The following GALNT13 variants were observed in gnomAD, a reference collection of about 807,000 sequenced individuals.
GALNT13 encodes the protein polypeptide N-acetylgalactosaminyltransferase 13.
In GALNT13, 28 loss-of-function variants were observed where a neutral mutation model predicts 64.2. That is an observed-to-expected ratio of 0.44 (90% CI 0.32 to 0.60). The LOEUF (loss-of-function observed/expected upper bound fraction) is 0.60, where lower values mean the gene tolerates loss of function less well. Ranked by LOEUF, GALNT13 falls within the 20% of genes least tolerant of loss-of-function variation. GALNT13 has a pLI of 0.05. For synonymous variants in GALNT13, 214 were observed against 224.6 expected (o/e 0.95, Z 0.42); for missense variants, 577 against 669.8 (o/e 0.86, Z 1.53).
chr2:153,418,025 T>C, the GALNT13 span, among the ~76,000 whole-genome samples: 1 of 152,126 alleles, frequency 6.6e-6, no homozygotes, highest in African/African-American at 2.4e-5. Context: ...GGCAGCAAAA[T>C]GGCCTTCCAA....
chr2:153,149,520 T>G, the GALNT13 span, among the ~76,000 whole-genome samples: 1 of 151,880 alleles, frequency 6.6e-6, no homozygotes. Context: ...CTTCTCCTTC[T>G]GTTGGGACTG....
In GALNT13 at chr2:154,152,618, C is replaced by T. The variant is rs564444125; in HGVS notation, c.311+12113C>T. ...CACATAGTCCCATATTTCTTGGAGGCTTTGTTCATTTCTTTTTATTCTTTT... is the reference window on the plus strand; with the variant it reads ...CACATAGTCCCATATTTCTTGGAGGTTTTGTTCATTTCTTTTTATTCTTTT... On this transcript the variant is annotated intron_variant, in intron 4 of 12. Transcript: ENST00000392825. 2.6e-5 allele frequency among the ~76,000 whole-genome samples: 4 copies of T among 152,184 alleles called. No homozygotes were observed. The East Asian group carries it at 5.8e-4, about 22-fold the overall frequency.
At chr2:154,305,190 A>G (rs1693662922) in intron 9 of GALNT13, among the ~76,000 whole-genome samples, 1 of 152,184 alleles carries the variant, frequency 6.6e-6, no homozygotes, top group Non-Finnish European at 1.5e-5. Flanking sequence ...AGCAGTGGTC[A>G]TTTTAATTTA....
chr2:154,247,605 A>G lies in GALNT13; in HGVS notation c.857+1623A>G, dbSNP rs555171396. On this transcript the variant is annotated intron_variant, in intron 7 of 12. Transcript: ENST00000392825. ...TTCACAGTAAGAAATTACTGATCTC[A>G]TTCATAAAATAAAGATCTATGTAGA... 6.6e-5 allele frequency among the ~76,000 whole-genome samples: 10 copies of G among 152,194 alleles called. No homozygotes were observed. The South Asian group carries it at 2.1e-3, about 32-fold the overall frequency.
intron 9 of GALNT13, among the ~76,000 whole-genome samples, chr2:154,311,929 T>C (rs1282663838): frequency 6.6e-6 from 1 of 152,236 alleles, no homozygotes; most frequent in Non-Finnish European, 1.5e-5. Context: ...AGGTTATCTC[T>C]CTTATTCCCT....
the GALNT13 span, among the ~76,000 whole-genome samples, chr2:153,552,341 T>C: frequency 6.6e-6 from 1 of 152,102 alleles, no homozygotes; most frequent in Non-Finnish European, 1.5e-5. Context: ...TTGATGAGAA[T>C]GATCCAGGAG....
chr2:154,349,789 C>T (rs1239293435), intron 9 of GALNT13, among the ~76,000 whole-genome samples: 1 of 152,152 alleles, frequency 6.6e-6, no homozygotes, highest in East Asian at 1.9e-4. Context: ...TAAATAAGTG[C>T]CATTCAGGCC....
chr2:153,442,781 C>T, the GALNT13 span, among the ~76,000 whole-genome samples: 4 of 152,110 alleles, frequency 2.6e-5, no homozygotes, highest in South Asian at 2.1e-4. Flanking sequence ...CTGACTACAG[C>T]GGTTTTGCTG....
At chr2:153,322,935 T>A in the GALNT13 span, among the ~76,000 whole-genome samples, 2 of 152,212 alleles carry the variant, frequency 1.3e-5, no homozygotes, top group African/African-American at 4.8e-5. Context: ...TCTTTGCTAT[T>A]GTGAATAGTG....
At chr2:153,324,781 T>A in the GALNT13 span, among the ~76,000 whole-genome samples, 1 of 152,158 alleles carries the variant, frequency 6.6e-6, no homozygotes, top group Non-Finnish European at 1.5e-5. Context: ...TGATGGATTA[T>A]GTTTATTGAT....
At chr2:153,795,420 G>T in the GALNT13 span, among the ~76,000 whole-genome samples, 1 of 151,948 alleles carries the variant, frequency 6.6e-6, no homozygotes, top group Admixed American at 6.6e-5. Flanking sequence ...CTGAATTACC[G>T]GACCTTGGAA....
chr2:153,407,496 A>G, the GALNT13 span, among the ~76,000 whole-genome samples: 1 of 152,222 alleles, frequency 6.6e-6, no homozygotes. Flanking sequence ...TTGTGATAAT[A>G]TTTAGGGACC....
chr2:153,512,205 A>G, the GALNT13 span, among the ~76,000 whole-genome samples: 2 of 152,184 alleles, frequency 1.3e-5, no homozygotes, highest in African/African-American at 2.4e-5. Flanking sequence ...CAGATCTTCA[A>G]TGAAAGGGAG....
At chr2:153,686,471 G>C in the GALNT13 span, among the ~76,000 whole-genome samples, 5 of 151,890 alleles carry the variant, frequency 3.3e-5, no homozygotes, top group Non-Finnish European at 5.9e-5. Context: ...GCATGTTAGT[G>C]ATTTTTGCAC....
intron 8 of GALNT13, among the ~76,000 whole-genome samples, chr2:154,278,846 A>T (rs1305110785): frequency 1.3e-5 from 2 of 152,130 alleles, no homozygotes; most frequent in Non-Finnish European, 2.9e-5. Flanking sequence ...CGCAAATAAG[A>T]AGGAAAAATC....
intron 3 of GALNT13, among the ~76,000 whole-genome samples, chr2:154,080,922 A>C (rs978236062): frequency 6.6e-6 from 1 of 151,508 alleles, no homozygotes; most frequent in Non-Finnish European, 1.5e-5. Context: ...GAGGACAGGA[A>C]ATGTTTAGTT....
the GALNT13 span, among the ~76,000 whole-genome samples, chr2:153,528,213 T>C: frequency 6.6e-6 from 1 of 151,266 alleles, no homozygotes; most frequent in Non-Finnish European, 1.5e-5. Flanking sequence ...ATACATAAAC[T>C]GAAAGTAAAT....
chr2:154,455,016 G>C (rs1167267765), downstream of GALNT13, among the ~76,000 whole-genome samples: 1 of 152,110 alleles, frequency 6.6e-6, no homozygotes, highest in Admixed American at 6.6e-5. Flanking sequence ...AGATTTCTAG[G>C]CTTCCCAGTG....
intron 4 of GALNT13, among the ~76,000 whole-genome samples, chr2:154,237,620 T>C (rs1236903016): frequency 6.7e-6 from 1 of 150,072 alleles, no homozygotes; most frequent in African/African-American, 2.4e-5. Context: ...CACAAAACTT[T>C]AAATGCATTT....
Sources: allele counts gnomAD v4.1 joint callset (sites outside exome capture counted in the v4.1 genomes callset), GRCh38; gene constraint gnomAD v4.1.1; transcripts MANE v1.5; gene names NCBI Gene and HGNC (gene_info 2026-07-23, HGNC 2026-07-21).